The following KCNT1 variants were observed in gnomAD, a reference collection of about 807,000 sequenced individuals.
KCNT1 encodes the protein potassium channel subfamily T member 1.
A neutral mutation model predicts 147.8 loss-of-function variants in KCNT1; 78 were observed. The observed-to-expected ratio is 0.53, with a 90% CI of 0.44 to 0.64. The LOEUF (loss-of-function observed/expected upper bound fraction) is 0.64. Ranked by LOEUF, KCNT1 falls within the 30% of genes least tolerant of loss-of-function variation. KCNT1 has a pLI of 0.00. For missense variants in KCNT1, 1,419 were observed against 1,750.3 expected, an observed-to-expected ratio of 0.81 and a Z score of 3.38; for synonymous variants, 867 against 748.8, an observed-to-expected ratio of 1.16 and a Z score of -2.58.
rs1831033811 is a variant in KCNT1, at chr9:135,749,581, G to A, written c.255-517G>A. Among the ~76,000 whole-genome samples, 5 of 152,340 alleles carry A rather than the reference G, an allele frequency of 3.3e-5. No individual in the cohort carries two copies. The South Asian group carries it at 1.0e-3, about 32-fold the overall frequency. On this transcript the variant is annotated intron_variant, in intron 2 of 30. Transcript: ENST00000371757. The stretch of plus-strand genomic sequence containing the variant: ...CAGCCCATCTTCCCTGACAGCCCTT[G>A]AGGCTGCAGTGGCCCATAGCCTTGG...
chr9:135,759,597 C>A, intron 10 of KCNT1, 82 bp from the exon 11 acceptor site: 1 of 1,450,434 alleles, frequency 6.9e-7, no homozygotes, highest in Non-Finnish European at 9.2e-7. Context: ...AGTGAGGGTC[C>A]CGTGGGCAGG....
chr9:135,758,491 G>T lies in KCNT1; in HGVS notation c.837G>T (p.Leu279=). The change falls in exon 10 of 31, where the codon CTG becomes CTT. Residue 279 remains leucine (L), a synonymous_variant. Transcript: ENST00000371757. ...NQVLILFCTL[L]CLVFTGTCGI... ...TCCTCATCCTCTTCTGCACCCTGCT[G>T]TGCCTCGTTTTCACGGGGTGAGTGC... 1 of 1,613,604 alleles carries T rather than the reference G, an allele frequency of 6.2e-7. No individual in the cohort carries two copies. The highest frequency in any genetic ancestry group is 8.5e-7 in the Non-Finnish European group (1 of 1,179,918).
At chr9:135,705,753 C>G (rs1835225315) in intron 1 of KCNT1, among the ~76,000 whole-genome samples, 1 of 152,200 alleles carries the variant, frequency 6.6e-6, no homozygotes, top group Non-Finnish European at 1.5e-5. Context: ...TGCGATTGGC[C>G]CAGGGAGGTG....
intron 2 of KCNT1, among the ~76,000 whole-genome samples, chr9:135,734,152 A>AT (rs1460207048): frequency 1.3e-5 from 2 of 151,944 alleles, no homozygotes; most frequent in African/African-American, 4.8e-5. Flanking sequence ...GGCAGTTGTT[A>AT]TTTTTTCCTG....
intron 28 of KCNT1, 80 bp downstream of exon 28, chr9:135,785,410 C>G (rs1274648862): frequency 1.6e-6 from 2 of 1,282,880 alleles, no homozygotes; most frequent in Non-Finnish European, 2.1e-6. Flanking sequence ...CCTGCCAGGC[C>G]CCACCCACCC....
intron 2 of KCNT1, among the ~76,000 whole-genome samples, chr9:135,749,156 G>A (rs374690730): frequency 6.6e-5 from 10 of 152,172 alleles, no homozygotes; most frequent in East Asian, 1.9e-4. Context: ...AGCCTGGCCC[G>A]CATCCCAGCA....
At chr9:135,791,416 TG>T in intron 29 of KCNT1, 21 of 238,666 alleles carry the variant, frequency 8.8e-5, no homozygotes, top group East Asian at 2.2e-4. Context: ...AAGGCATGCA[TG>T]CATGTGAGGT....
Position 135,771,966 on chromosome 9 carries a change from G to A in KCNT1, c.2009-749G>A, listed in dbSNP as rs544295510. 3.5e-4 allele frequency among the ~76,000 whole-genome samples: 54 copies of A among 152,312 alleles called. 1 individual carries two copies. The South Asian group carries it at 0.011, about 31-fold the overall frequency. On this transcript the variant is annotated intron_variant, in intron 18 of 30. Transcript: ENST00000371757. Reference sequence around the variant, plus strand: ...ACGGTGGCTGCTGGGGCACCAGGTGGTTCAGTGCAGTGGGGCACAGTCTCC... The same window carrying A: ...ACGGTGGCTGCTGGGGCACCAGGTGATTCAGTGCAGTGGGGCACAGTCTCC...
chr9:135,737,529 C>T (rs1016058949), intron 2 of KCNT1, among the ~76,000 whole-genome samples: 2 of 152,196 alleles, frequency 1.3e-5, no homozygotes, highest in Non-Finnish European at 1.5e-5. Context: ...GTCGTGGGCA[C>T]GGAACCTGTT....
rs374386910 is a variant in KCNT1 at position 135,770,074 on chromosome 9, G to A, written c.1619+19G>A. 1.2e-5 allele frequency: 19 copies of A among 1,539,804 alleles called. 1 individual carries two copies. The highest frequency in any genetic ancestry group is 7.2e-5 in the South Asian group (6 of 83,662). On this transcript the variant is annotated intron_variant, in intron 16 of 30. Coordinates refer to ENST00000371757, the MANE Select transcript of KCNT1 (RefSeq NM_020822.3). Reference sequence around the variant, plus strand: ...GCGGCCAGTGAGTGCCCCGTGCCCCGGGGGACCGACCTCCATGGCGGGGCC... The same window carrying A: ...GCGGCCAGTGAGTGCCCCGTGCCCCAGGGGACCGACCTCCATGGCGGGGCC...
rs7870173 is a variant in KCNT1 at position 135,771,310 on chromosome 9, G to A, written c.2008+215G>A. The A allele has an allele frequency of 0.48, 291,853 of 602,950 alleles. 72,198 individuals are homozygous for A. Among genetic ancestry groups the A allele is most frequent in the African/African-American group, 0.64 (34,551 of 53,768 alleles). The allele number at this position is 602,950 out of a possible 1,614,324, so 37.3% of individuals were successfully genotyped here. A position where few individuals can be genotyped will look rare whatever the true frequency, so the allele number is the denominator to read the frequency against. On this transcript the variant is annotated intron_variant, in intron 18 of 30. Transcript: ENST00000371757. ...ACCAGGTGGGACAGGAGACCAGACC[G>A]GGCAGGGCAGGAGACCAGGCCAATG... is the stretch of plus-strand genomic sequence containing the variant.
intron 2 of KCNT1, among the ~76,000 whole-genome samples, chr9:135,743,371 C>T (rs1011200100): frequency 6.6e-5 from 10 of 152,286 alleles, no homozygotes; most frequent in South Asian, 2.1e-4. Flanking sequence ...ACCTTCAGCG[C>T]GGTCTCCAGG....
At chr9:135,767,540 G>A (rs931071275) in intron 13 of KCNT1, among the ~76,000 whole-genome samples, 9 of 151,934 alleles carry the variant, frequency 5.9e-5, no homozygotes, top group Non-Finnish European at 1.3e-4. Context: ...GAGCGGACAG[G>A]GTCTCTGCCC....
At chr9:135,772,596 C>T in intron 18 of KCNT1, 119 bp from the exon 19 acceptor site, 1 of 632,580 alleles carries the variant, frequency 1.6e-6, no homozygotes, top group Non-Finnish European at 2.4e-6. Flanking sequence ...TCAGCTGGAG[C>T]ACAGGAGCCA....
In KCNT1 at chr9:135,714,965, C is replaced by T. The variant is rs1157970917; in HGVS notation, c.254+245C>T. Among the ~76,000 whole-genome samples, 1 of 152,188 alleles carries T rather than the reference C, an allele frequency of 6.6e-6. No homozygotes were observed. The highest frequency in any genetic ancestry group is 1.5e-5 in the Non-Finnish European group (1 of 68,028). ...CGGAGCTGCGGAGTCTTCCAGAGCC[C>T]GACTTGGGGCGCGGAGGCGGAGGGC... On this transcript the variant is annotated intron_variant, in intron 2 of 30. Transcript: ENST00000371757. This position sits in a 1 kb window ranked among gnomAD's most constrained non-coding sequence, Gnocchi z 6.2.
At chr9:135,748,198 T>C (rs918712079) in intron 2 of KCNT1, among the ~76,000 whole-genome samples, 2 of 152,044 alleles carry the variant, frequency 1.3e-5, no homozygotes, top group South Asian at 4.1e-4. Flanking sequence ...CCTCCCAAGT[T>C]CCTGGGATTA....
At chr9:135,762,773 A>G (rs114105030) in intron 11 of KCNT1, among the ~76,000 whole-genome samples, 2,922 of 152,228 alleles carry the variant, frequency 0.019, 96 homozygotes, top group African/African-American at 0.067. Flanking sequence ...AACAAACAAG[A>G]CAAGGTGACT....
rs1835637366 is a variant in KCNT1 at position 135,714,491 on chromosome 9, C to T, written c.111-86C>T. 2 of 903,410 alleles carry T rather than the reference C, an allele frequency of 2.2e-6. No individual in the cohort carries two copies. The highest frequency in any genetic ancestry group is 2.6e-6 in the Non-Finnish European group (2 of 758,678). The allele number at this position is 903,410 out of a possible 1,614,324, so 56.0% of individuals were successfully genotyped here. The stretch of plus-strand genomic sequence containing the variant: ...GTCGCGGTGGCCGCGGGCTGCGCTG[C>T]GCGGGCCGGGCCTGGCGGGCCGGGG... On this transcript the variant is annotated intron_variant, in intron 1 of 30. Transcript: ENST00000371757. The surrounding 1 kb of genome is among the most constrained non-coding windows in gnomAD (Gnocchi z 6.2).
At chr9:135,749,410 A>G (rs1353542477) in intron 2 of KCNT1, among the ~76,000 whole-genome samples, 2 of 151,546 alleles carry the variant, frequency 1.3e-5, no homozygotes, top group Non-Finnish European at 2.9e-5. Flanking sequence ...GGTAGGCCCC[A>G]TGAGCAGCGG....
Sources: allele counts gnomAD v4.1 joint callset (sites outside exome capture counted in the v4.1 genomes callset), GRCh38; gene constraint gnomAD v4.1.1; non-coding constraint Gnocchi (gnomAD v3.1); transcripts MANE v1.5; gene names NCBI Gene and HGNC (gene_info 2026-07-23, HGNC 2026-07-21).